RNF121: variants seen among roughly 807,000 people sequenced by gnomAD.
The protein encoded by RNF121 is ring finger protein 121.
RNF121 carries 21 observed loss-of-function variants against 46.5 expected under a neutral mutation model. The observed-to-expected ratio is 0.45, with a 90% CI of 0.32 to 0.65. RNF121 has a LOEUF of 0.65. RNF121 is among the 30% of genes least tolerant of loss of function. The probability of loss-of-function intolerance (pLI) is 0.04; values close to 1 mark genes in which losing one functional copy is unlikely to be tolerated. For missense variants in RNF121, 346 were observed against 416.0 expected (o/e 0.83, Z 1.46); for synonymous variants, 139 against 144.7 (o/e 0.96, Z 0.28).
At chr11:71,978,707 C>T (rs1470739795) in intron 3 of RNF121, among the ~76,000 whole-genome samples, 1 of 152,166 alleles carries the variant, frequency 6.6e-6, no homozygotes, top group Non-Finnish European at 1.5e-5. Context: ...CTGCTTATAA[C>T]AAGTGCTGAC....
At chr11:71,971,744 A>T (rs1480328868) in intron 3 of RNF121, among the ~76,000 whole-genome samples, 1 of 152,228 alleles carries the variant, frequency 6.6e-6, no homozygotes, top group Non-Finnish European at 1.5e-5. Context: ...CTTTACATCT[A>T]TTAGGTTGGC....
chr11:71,944,428 G>A (rs1953665208), intron 1 of RNF121, among the ~76,000 whole-genome samples: 1 of 152,174 alleles, frequency 6.6e-6, no homozygotes, highest in Non-Finnish European at 1.5e-5. Context: ...CTAAGGGGCA[G>A]GAAAAATTTG....
At chr11:71,971,943 A>G (rs1401893238) in intron 3 of RNF121, among the ~76,000 whole-genome samples, 1 of 152,220 alleles carries the variant, frequency 6.6e-6, no homozygotes, top group Non-Finnish European at 1.5e-5. Context: ...CTGAAGTGTT[A>G]ATTATGGCTG....
At chr11:71,948,243 C>T (rs1953772704) in intron 1 of RNF121, among the ~76,000 whole-genome samples, 3 of 152,026 alleles carry the variant, frequency 2.0e-5, no homozygotes, top group African/African-American at 7.2e-5. Flanking sequence ...TGGCCAGGTG[C>T]GGTGGCTCAC....
intron 3 of RNF121, among the ~76,000 whole-genome samples, chr11:71,978,482 C>T (rs928905939): frequency 6.6e-6 from 1 of 152,140 alleles, no homozygotes; most frequent in African/African-American, 2.4e-5. Flanking sequence ...TGCTTATAAC[C>T]TTATCACTTT....
chr11:71,956,741 C>T (rs1454792880), intron 1 of RNF121, among the ~76,000 whole-genome samples: 2 of 152,198 alleles, frequency 1.3e-5, no homozygotes, highest in African/African-American at 4.8e-5. Flanking sequence ...CAATTTTATT[C>T]CTTCCTGTCC....
chr11:71,971,071 A>G (rs1954409885), intron 3 of RNF121, among the ~76,000 whole-genome samples: 1 of 152,194 alleles, frequency 6.6e-6, no homozygotes, highest in Non-Finnish European at 1.5e-5. Flanking sequence ...TGAAAGGTAA[A>G]GTTATGAAAC....
Position 71,996,265 on chromosome 11 carries a change from G to A in RNF121, c.934G>A (p.Val312Ile), listed in dbSNP as rs1954974821. The A allele has an allele frequency of 1.2e-6, 2 of 1,614,078 alleles. No homozygotes were observed. The highest frequency in any genetic ancestry group is 2.7e-5 in the African/African-American group (2 of 74,934). Reference sequence around the variant, plus strand: ...TCGATACTTGGTAGCCTGGCAGCCTGTCATCATTGGTGTAGTCCAAGGCAT... The same window carrying A: ...TCGATACTTGGTAGCCTGGCAGCCTATCATCATTGGTGTAGTCCAAGGCAT... ...WLRYLVAWQP[V>I]IIGVVQGINY... The change falls in exon 9 of 9, where the codon GTC (valine) becomes ATC (isoleucine). Residue 312 changes from valine (V) to isoleucine (I), a missense_variant. Val to Ile is a conservative substitution (Grantham distance 29, BLOSUM62 3). Transcript: ENST00000361756.
chr11:71,957,304 A>G (rs760703019), intron 2 of RNF121, 40 bp downstream of exon 2: 19 of 1,268,402 alleles, frequency 1.5e-5, no homozygotes, highest in African/African-American at 9.6e-5. Context: ...TAGGAACTGC[A>G]GGTTAACCCA....
intron 1 of RNF121, among the ~76,000 whole-genome samples, chr11:71,950,867 C>G (rs1953859572): frequency 6.6e-6 from 1 of 152,082 alleles, no homozygotes. Context: ...AGTATTATAG[C>G]TCACTCCAGA....
At chr11:71,946,848 G>A (rs1167834037) in intron 1 of RNF121, among the ~76,000 whole-genome samples, 1 of 144,378 alleles carries the variant, frequency 6.9e-6, no homozygotes, top group Non-Finnish European at 1.5e-5. Context: ...AAGTAGCTGG[G>A]ATTACAGGTG....
intron 1 of RNF121, among the ~76,000 whole-genome samples, chr11:71,952,406 CTT>C (rs1402755441): frequency 6.6e-6 from 1 of 152,164 alleles, no homozygotes; most frequent in Non-Finnish European, 1.5e-5. Context: ...AGTGGCACAA[CTT>C]TGTGAATATA....
intron 1 of RNF121, among the ~76,000 whole-genome samples, chr11:71,929,459 C>A (rs919668410): frequency 1.3e-5 from 2 of 151,540 alleles, no homozygotes; most frequent in Non-Finnish European, 2.9e-5. Context: ...GTTGGAGGGA[C>A]GTGAATTTCT....
At chr11:71,942,498 C>T (rs1953597831) in intron 1 of RNF121, among the ~76,000 whole-genome samples, 1 of 152,030 alleles carries the variant, frequency 6.6e-6, no homozygotes, top group South Asian at 2.1e-4. Context: ...CACAGTGGCT[C>T]ACGCCTGTAA....
chr11:71,969,738 A>T (rs969649084), intron 3 of RNF121, among the ~76,000 whole-genome samples: 9 of 151,770 alleles, frequency 5.9e-5, no homozygotes, highest in Admixed American at 1.3e-4. Context: ...TAATTTAAAA[A>T]TTTTTTTTCT....
At chr11:71,970,397 A>C (rs1019015796) in intron 3 of RNF121, among the ~76,000 whole-genome samples, 1 of 152,214 alleles carries the variant, frequency 6.6e-6, no homozygotes, top group African/African-American at 2.4e-5. Flanking sequence ...ACAGTGGCTT[A>C]CACCTCTAAT....
intron 5 of RNF121, among the ~76,000 whole-genome samples, chr11:71,988,155 G>A (rs1222177486): frequency 6.6e-6 from 1 of 152,180 alleles, no homozygotes; most frequent in Non-Finnish European, 1.5e-5. Context: ...TGCATTCCTA[G>A]GGATGGAATT....
At chr11:71,959,665 T>C (rs1011616855) in intron 2 of RNF121, among the ~76,000 whole-genome samples, 2 of 148,724 alleles carry the variant, frequency 1.3e-5, no homozygotes, top group African/African-American at 5.0e-5. Context: ...AGATGGAATC[T>C]CATTCTGTCG....
chr11:71,934,173 CTGTT>C (rs773010298), intron 1 of RNF121, among the ~76,000 whole-genome samples: 17 of 152,196 alleles, frequency 1.1e-4, no homozygotes, highest in South Asian at 4.1e-4. Context: ...ATGGTTTTCT[CTGTT>C]TAAGTTTGTT....
Sources: allele counts gnomAD v4.1 joint callset (sites outside exome capture counted in the v4.1 genomes callset), GRCh38; gene constraint gnomAD v4.1.1; transcripts MANE v1.5; gene names NCBI Gene and HGNC (gene_info 2026-07-23, HGNC 2026-07-21).